TRIM11: variants seen among roughly 807,000 people sequenced by gnomAD.
TRIM11 encodes tripartite motif containing 11.
In TRIM11, 15 loss-of-function variants were observed where a neutral mutation model predicts 33.4. The ratio of observed to expected loss-of-function variants is 0.45; its 90% CI spans 0.30 to 0.69. The LOEUF is 0.69. Ranked by LOEUF, TRIM11 falls within the 30% of genes least tolerant of loss-of-function variation. The pLI is 0.08. For synonymous variants in TRIM11, 281 were observed against 302.6 expected, an observed-to-expected ratio of 0.93 and a Z score of 0.74; for missense variants, 499 against 667.6, an observed-to-expected ratio of 0.75 and a Z score of 2.78.
rs549385432 is a variant in TRIM11 at position 228,401,497 on chromosome 1, A to G, written c.505-303T>C. Among the ~76,000 whole-genome samples the G allele has an allele frequency of 9.2e-5, 14 of 152,094 alleles. No individual in the cohort carries two copies. Among genetic ancestry groups the G allele is most frequent in the Non-Finnish European group, 1.9e-4 (13 of 67,952 alleles). On this transcript the variant is annotated intron_variant, in intron 2 of 5. Coordinates refer to ENST00000284551, the MANE Select transcript of TRIM11 (RefSeq NM_145214.3). This position sits in a 1 kb window ranked among gnomAD's most constrained non-coding sequence, Gnocchi z 6.1. ...CAAATCTAAACCCAGGGCCGACTAGATCCCAAATCCACTATCTAGTCCCTC... is the reference window on the plus strand; with the variant it reads ...CAAATCTAAACCCAGGGCCGACTAGGTCCCAAATCCACTATCTAGTCCCTC...
In TRIM11 at chr1:228,403,429, G is replaced by A. The variant is rs1483609976; in HGVS notation, c.409-1268C>T. On this transcript the variant is annotated intron_variant, in intron 1 of 5. Transcript: ENST00000284551. The surrounding 1 kb of genome is among the most constrained non-coding windows in gnomAD (Gnocchi z 4.8). ...GCCTCACGATTCGGGAAGACCGCTG[G>A]AGCACCAAGGACATGTCCAACTGCT... 3 of 152,238 alleles carry A rather than the reference G, an allele frequency of 2.0e-5. No individual in the cohort carries two copies. The highest frequency in any genetic ancestry group is 7.2e-5 in the African/African-American group (3 of 41,456). 9.4% of individuals were successfully genotyped at this position (152,238 alleles called of 1,614,324 possible).
Position 228,395,781 on chromosome 1 carries a change from C to A in TRIM11, c.860-529G>T, listed in dbSNP as rs1286344057. Reference sequence around the variant, plus strand: ...GCCTCAAGCAATCCTCCCGCCTGAGCCTCTCAAAGTGCTGGGATTACAGAG... The same window carrying A: ...GCCTCAAGCAATCCTCCCGCCTGAGACTCTCAAAGTGCTGGGATTACAGAG... On this transcript the variant is annotated intron_variant, in intron 5 of 5. Coordinates refer to ENST00000284551, the MANE Select transcript of TRIM11 (RefSeq NM_145214.3). This position sits in a 1 kb window ranked among gnomAD's most constrained non-coding sequence, Gnocchi z 4.8. 1 of 152,442 alleles carries A rather than the reference C, an allele frequency of 6.6e-6. No individual in the cohort carries two copies. Among genetic ancestry groups the A allele is most frequent in the East Asian group, 1.9e-4 (1 of 5,202 alleles). 9.4% of individuals were successfully genotyped at this position (152,442 alleles called of 1,614,324 possible). A position where few individuals can be genotyped will look rare whatever the true frequency, so the allele number is the denominator to read the frequency against.
intron 3 of TRIM11, chr1:228,397,564 C>A (rs963377068): frequency 4.8e-6 from 1 of 206,408 alleles, no homozygotes; most frequent in African/African-American, 2.3e-5. Flanking sequence ...TGGAGCCCAA[C>A]CCTGTGGTTG....
At position 228,394,941 on chromosome 1, in the gene TRIM11, C is replaced by T; in HGVS notation, c.1171G>A (p.Glu391Lys). 1 of 1,614,168 alleles carries T rather than the reference C, an allele frequency of 6.2e-7. No homozygotes were observed. The highest frequency in any genetic ancestry group is 8.5e-7 in the Non-Finnish European group (1 of 1,180,024). ...TCCCGGAGTGGAGCCAAGGCCCGTT[C>T]CGAGGAATTGTAATAGCTCCCCAGG... ...VFLGSYYNSS[E>K]RALAPLRDPP... The change falls in exon 6 of 6, where the codon GAA (glutamate) becomes AAA (lysine). Residue 391 changes from glutamate to lysine, a missense_variant. Glu to Lys is a moderately conservative substitution (Grantham distance 56). Coordinates refer to ENST00000284551, the MANE Select transcript of TRIM11 (RefSeq NM_145214.3). The surrounding 1 kb of genome is among the most constrained non-coding windows in gnomAD (Gnocchi z 6.2).
Position 228,401,033 on chromosome 1 carries a change from G to A in TRIM11, c.666C>T (p.Ser222=), listed in dbSNP as rs145487811. ...REGAAHLGQQ[S]AHLAELIAEL... ...CGGCGATGAGCTCAGCTAGGTGGGC[G>A]CTCTGCTGGCCTAGGTGGGCTGCGC... The change falls in exon 3 of 6, where the codon AGC becomes AGT. Residue 222 remains serine, a synonymous_variant. Coordinates refer to ENST00000284551, the MANE Select transcript of TRIM11 (RefSeq NM_145214.3). This position sits in a 1 kb window ranked among gnomAD's most constrained non-coding sequence, Gnocchi z 6.1. 8.1e-6 allele frequency: 13 copies of A among 1,610,920 alleles called. No individual in the cohort carries two copies. Among genetic ancestry groups the A allele is most frequent in the Non-Finnish European group, 1.1e-5 (13 of 1,178,756 alleles).
In TRIM11 at chr1:228,394,910, G is replaced by A. The variant is rs2074966217; in HGVS notation, c.1202C>T (p.Pro401Leu). Residue 401 changes from proline to leucine, a missense_variant, in exon 6 of 6, where the codon CCC becomes CTC. Transcript: ENST00000284551. The surrounding 1 kb of genome is among the most constrained non-coding windows in gnomAD (Gnocchi z 6.2). Reference sequence around the variant, plus strand: ...GTCCAGAAAGATCCCCACGCGCCTGGGTGGGTCCCGGAGTGGAGCCAAGGC... The same window carrying A: ...GTCCAGAAAGATCCCCACGCGCCTGAGTGGGTCCCGGAGTGGAGCCAAGGC... ...ERALAPLRDP[P>L]RRVGIFLDYE... The A allele has an allele frequency of 6.2e-7, 1 of 1,614,060 alleles. No homozygotes were observed. Among genetic ancestry groups the A allele is most frequent in the African/African-American group, 1.3e-5 (1 of 74,926 alleles).
Position 228,400,888 on chromosome 1 carries a change from CT to C in TRIM11, c.735+75del. 7.0e-7 allele frequency: 1 copy of C among 1,436,426 alleles called. No homozygotes were observed. The highest frequency in any genetic ancestry group is 9.1e-7 in the Non-Finnish European group (1 of 1,098,144). The allele number at this position is 1,436,426 out of a possible 1,614,324, so 89.0% of individuals were successfully genotyped here. A position where few individuals can be genotyped will look rare whatever the true frequency, so the allele number is the denominator to read the frequency against. On this transcript the variant is annotated intron_variant, in intron 3 of 5. Coordinates refer to ENST00000284551, the MANE Select transcript of TRIM11 (RefSeq NM_145214.3). This position sits in a 1 kb window ranked among gnomAD's most constrained non-coding sequence, Gnocchi z 4.5. ...AACCTCTCTGCCCCTGCTTCTTGCA[CT>C]TTCTGGTTCTCCCTCCCCCAGTGTG...
rs1268528286 is a variant in TRIM11 at position 228,403,019 on chromosome 1, T to C, written c.409-858A>G. 1 of 152,218 alleles carries C rather than the reference T, an allele frequency of 6.6e-6. No individual in the cohort carries two copies. Among genetic ancestry groups the C allele is most frequent in the East Asian group, 1.9e-4 (1 of 5,194 alleles). The allele number at this position is 152,218 out of a possible 1,614,324, so 9.4% of individuals were successfully genotyped here. A position where few individuals can be genotyped will look rare whatever the true frequency, so the allele number is the denominator to read the frequency against. On this transcript the variant is annotated intron_variant, in intron 1 of 5. Coordinates refer to ENST00000284551, the MANE Select transcript of TRIM11 (RefSeq NM_145214.3). The surrounding 1 kb of genome is among the most constrained non-coding windows in gnomAD (Gnocchi z 4.8). ...TTTTCAGCTTCATCAGCTATCACTG[T>C]AATAAGCTCCAGGATGGGTACACCT...
chr1:228,399,630 C>G (rs2075014574), intron 3 of TRIM11, among the ~76,000 whole-genome samples: 1 of 152,104 alleles, frequency 6.6e-6, no homozygotes, highest in African/African-American at 2.4e-5. Flanking sequence ...CTGGGTACCT[C>G]CCCACCCCAC....
chr1:228,404,972 G>C (rs889599077), intron 1 of TRIM11: 2 of 152,192 alleles, frequency 1.3e-5, no homozygotes, highest in Non-Finnish European at 2.9e-5. Flanking sequence ...GAACCTAACA[G>C]GGTAGAGGGA....
intron 1 of TRIM11, 164 bp from the exon 2 acceptor site, chr1:228,402,325 G>T: frequency 1.9e-6 from 1 of 535,874 alleles, no homozygotes; most frequent in East Asian, 3.3e-5. Context: ...GAGCCCTCAT[G>T]GTAGGTGGGC....
Position 228,401,060 on chromosome 1 carries a change from C to G in TRIM11, c.639G>C (p.Glu213Asp). 2 of 1,612,838 alleles carry G rather than the reference C, an allele frequency of 1.2e-6. No individual in the cohort carries two copies. Among genetic ancestry groups the G allele is most frequent in the South Asian group, 1.1e-5 (1 of 91,048 alleles). Residue 213 changes from glutamate (E) to aspartate (D), a missense_variant, in exon 3 of 6, where the codon GAG becomes GAC. Glu to Asp is a conservative substitution (Grantham distance 45). Transcript: ENST00000284551. The surrounding 1 kb of genome is among the most constrained non-coding windows in gnomAD (Gnocchi z 6.1). ...EELEVLPRLR[E>D]GAAHLGQQSA... is the part of the protein sequence containing the mutation. ...TCTGCTGGCCTAGGTGGGCTGCGCC[C>G]TCCCGCAGCCGGGGCAGCACCTCCA...
In TRIM11 at chr1:228,394,432, T is replaced by C. The variant is rs2074959447; in HGVS notation, c.*273A>G. 2 of 465,738 alleles carry C rather than the reference T, an allele frequency of 4.3e-6. No homozygotes were observed. Among genetic ancestry groups the C allele is most frequent in the Admixed American group, 3.9e-5 (1 of 25,800 alleles). 28.9% of individuals were successfully genotyped at this position (465,738 alleles called of 1,614,324 possible). ...CCACAGGCCAGAGCTGCCGGGGCAA[T>C]GGGGCTCCCAGCTTTGGTAAGGGCT... On this transcript the variant is annotated 3_prime_UTR_variant, in exon 6 of 6. Coordinates refer to ENST00000284551, the MANE Select transcript of TRIM11 (RefSeq NM_145214.3). The surrounding 1 kb of genome is among the most constrained non-coding windows in gnomAD (Gnocchi z 6.2).
At chr1:228,396,896 T>C (rs2074991043) in intron 5 of TRIM11, 51 bp downstream of exon 5, 1 of 1,572,240 alleles carries the variant, frequency 6.4e-7, no homozygotes, top group Non-Finnish European at 8.8e-7. Flanking sequence ...CCCAGGTCCT[T>C]GGCAGGTCCC....
At position 228,406,319 on chromosome 1, in the gene TRIM11, C is replaced by T; in HGVS notation, c.243G>A (p.Leu81=). ...LAKMAEMARR[L]HPPSPVPQGV... ...CCTGCGGGACCGGCGACGGCGGGTG[C>T]AGGCGCCGCGCCATCTCGGCCATCT... The change falls in exon 1 of 6, where the codon CTG becomes CTA. Residue 81 remains leucine (L), a synonymous_variant. Coordinates refer to ENST00000284551, the MANE Select transcript of TRIM11 (RefSeq NM_145214.3). The surrounding 1 kb of genome is among the most constrained non-coding windows in gnomAD (Gnocchi z 8.2). 1 of 1,469,814 alleles carries T rather than the reference C, an allele frequency of 6.8e-7. No homozygotes were observed. Among genetic ancestry groups the T allele is most frequent in the South Asian group, 1.3e-5 (1 of 76,242 alleles). 91.0% of individuals were successfully genotyped at this position (1,469,814 alleles called of 1,614,324 possible).
chr1:228,406,364 C>G lies in TRIM11; in HGVS notation c.198G>C (p.Arg66=). ...CCATCTTAGCAAGCGGGCGGTTGGG[C>G]CGCAGGTTCCTCTGCGGGGACAGCT... is the stretch of plus-strand genomic sequence containing the variant. The part of the protein sequence containing the change: ...CRELSPQRNL[R]PNRPLAKMAE... Residue 66 remains arginine, a synonymous_variant, in exon 1 of 6, where the codon CGG becomes CGC. Coordinates refer to ENST00000284551, the MANE Select transcript of TRIM11 (RefSeq NM_145214.3). The surrounding 1 kb of genome is among the most constrained non-coding windows in gnomAD (Gnocchi z 8.2). 1 of 1,506,130 alleles carries G rather than the reference C, an allele frequency of 6.6e-7. No homozygotes were observed. Among genetic ancestry groups the G allele is most frequent in the Non-Finnish European group, 8.9e-7 (1 of 1,129,520 alleles). The allele number at this position is 1,506,130 out of a possible 1,614,324, so 93.3% of individuals were successfully genotyped here.
chr1:228,396,398 C>T (rs1386278850), intron 5 of TRIM11: 5 of 494,672 alleles, frequency 1.0e-5, no homozygotes, highest in Middle Eastern at 5.2e-4. Context: ...TGGGAAGGTG[C>T]ACCCAGGGAG....
In TRIM11 at chr1:228,396,427, C is replaced by T. The variant is rs1394892982; in HGVS notation, c.859+520G>A. On this transcript the variant is annotated intron_variant, in intron 5 of 5. Transcript: ENST00000284551. ...CAGGGAGGGTGGGAAAGCTCTGAGCCCTTCCCCAGGCTTTGCCCATGTGTC... is the reference window on the plus strand; with the variant it reads ...CAGGGAGGGTGGGAAAGCTCTGAGCTCTTCCCCAGGCTTTGCCCATGTGTC... 13 of 547,874 alleles carry T rather than the reference C, an allele frequency of 2.4e-5. 1 individual carries two copies. The South Asian group carries it at 2.7e-4, about 11-fold the overall frequency. The allele number at this position is 547,874 out of a possible 1,614,324, so 33.9% of individuals were successfully genotyped here. A position where few individuals can be genotyped will look rare whatever the true frequency, so the allele number is the denominator to read the frequency against.
rs1006569577 is a variant in TRIM11 at position 228,401,603 on chromosome 1, C to T, written c.505-409G>A. On this transcript the variant is annotated intron_variant, in intron 2 of 5. Transcript: ENST00000284551. This position sits in a 1 kb window ranked among gnomAD's most constrained non-coding sequence, Gnocchi z 6.1. ...GCCAGCTGGACTACAAATCTACCAC[C>T]CAGGGTCCCTCCTGACCTCCAAATT... Among the ~76,000 whole-genome samples, 1 of 152,006 alleles carries T rather than the reference C, an allele frequency of 6.6e-6. No individual in the cohort carries two copies. The highest frequency in any genetic ancestry group is 6.5e-5 in the Admixed American group (1 of 15,276).
Sources: allele counts gnomAD v4.1 joint callset (sites outside exome capture counted in the v4.1 genomes callset), GRCh38; gene constraint gnomAD v4.1.1; non-coding constraint Gnocchi (gnomAD v3.1); transcripts MANE v1.5; gene names NCBI Gene and HGNC (gene_info 2026-07-23, HGNC 2026-07-21).